The following RILPL1 variants were observed in gnomAD, a reference collection of about 807,000 sequenced individuals.
RILPL1 encodes the protein RILP-like protein 1.
Under a neutral mutation model 50.3 loss-of-function variants are expected in RILPL1, and 33 were observed. The observed-to-expected ratio is 0.66, with a 90% CI of 0.50 to 0.88. RILPL1 has a LOEUF of 0.88. Ranked by LOEUF, RILPL1 falls within the 40% of genes least tolerant of loss-of-function variation. The probability of loss-of-function intolerance (pLI) is 0.00; values close to 1 mark genes in which losing one functional copy is unlikely to be tolerated. For synonymous variants in RILPL1, 205 were observed against 228.6 expected, an observed-to-expected ratio of 0.90 and a Z score of 0.93; for missense variants, 418 against 542.5, an observed-to-expected ratio of 0.77 and a Z score of 2.28.
intron 4 of RILPL1, among the ~76,000 whole-genome samples, chr12:123,492,419 G>T (rs1213899947): frequency 6.6e-6 from 1 of 152,128 alleles, no homozygotes; most frequent in Non-Finnish European, 1.5e-5. Context: ...GGTGGCCAGG[G>T]GCTGGGGAAG....
At chr12:123,477,822 C>T (rs896356244) in intron 6 of RILPL1, among the ~76,000 whole-genome samples, 2 of 151,986 alleles carry the variant, frequency 1.3e-5, no homozygotes, top group African/African-American at 4.8e-5. Context: ...CACAAAGATA[C>T]AGTCATTGTG....
At chr12:123,481,283 C>T (rs1163061466) in intron 6 of RILPL1, among the ~76,000 whole-genome samples, 1 of 151,166 alleles carries the variant, frequency 6.6e-6, no homozygotes. Context: ...TGCTTGAACC[C>T]GGGAGGTGGA....
chr12:123,508,040 C>T (rs1395520568), intron 2 of RILPL1, among the ~76,000 whole-genome samples: 1 of 150,432 alleles, frequency 6.6e-6, no homozygotes, highest in Non-Finnish European at 1.5e-5. Context: ...TTTGGGATGA[C>T]AAAAACTTCC....
intron 1 of RILPL1, among the ~76,000 whole-genome samples, chr12:123,527,951 C>G (rs936595515): frequency 6.6e-6 from 1 of 152,260 alleles, no homozygotes; most frequent in East Asian, 1.9e-4. Flanking sequence ...CAGTGAGAGC[C>G]ATTTCCGACT....
intron 4 of RILPL1, among the ~76,000 whole-genome samples, chr12:123,493,958 A>G (rs1882860702): frequency 6.6e-6 from 1 of 151,538 alleles, no homozygotes; most frequent in South Asian, 2.1e-4. Flanking sequence ...CTTTTTTTGT[A>G]TATTTAGTAG....
intron 2 of RILPL1, among the ~76,000 whole-genome samples, chr12:123,505,252 G>A (rs533120784): frequency 1.3e-5 from 2 of 152,180 alleles, no homozygotes; most frequent in East Asian, 3.9e-4. Context: ...GGCTGGTCTC[G>A]AACTCCTAAC....
At chr12:123,486,666 G>T (rs1205632586) in intron 4 of RILPL1, among the ~76,000 whole-genome samples, 1 of 152,148 alleles carries the variant, frequency 6.6e-6, no homozygotes, top group Non-Finnish European at 1.5e-5. Flanking sequence ...TTCTGAGATG[G>T]AGTTTCACTG....
chr12:123,478,264 G>C (rs1881733856), intron 6 of RILPL1, among the ~76,000 whole-genome samples: 1 of 151,930 alleles, frequency 6.6e-6, no homozygotes, highest in Admixed American at 6.6e-5. Flanking sequence ...GCCTCCCAAA[G>C]TGTTGGGATT....
intron 4 of RILPL1, among the ~76,000 whole-genome samples, chr12:123,488,272 C>A (rs1408995793): frequency 6.6e-6 from 1 of 151,574 alleles, no homozygotes; most frequent in East Asian, 1.9e-4. Context: ...GACCTCATGT[C>A]TACAAAAAAG....
intron 3 of RILPL1, 65 bp downstream of exon 3, chr12:123,499,353 G>T: frequency 9.2e-7 from 1 of 1,088,844 alleles, no homozygotes. Flanking sequence ...TGAGTGGAGG[G>T]TCTGGTCTCT....
chr12:123,487,405 C>T (rs1014771838), intron 4 of RILPL1, among the ~76,000 whole-genome samples: 1 of 152,092 alleles, frequency 6.6e-6, no homozygotes, highest in Non-Finnish European at 1.5e-5. Flanking sequence ...TGGGTTCAAG[C>T]GATTCTTCCG....
Position 123,522,158 on chromosome 12 carries a change from A to AT in RILPL1, c.460+1336dup, listed in dbSNP as rs1444761405. On this transcript the variant is annotated intron_variant, in intron 2 of 6. Transcript: ENST00000376874. This position sits in a 1 kb window ranked among gnomAD's most constrained non-coding sequence, Gnocchi z 4.0. ...CAGGTCCGTCCCCGTTCCATCAAACATGAGGAAGAGGCTCATGTGGGGAGC... is the reference window on the plus strand; with the variant it reads ...CAGGTCCGTCCCCGTTCCATCAAACATTGAGGAAGAGGCTCATGTGGGGAGC... Among the ~76,000 whole-genome samples, 1 of 152,188 alleles carries AT rather than the reference A, an allele frequency of 6.6e-6. No homozygotes were observed. Among genetic ancestry groups the AT allele is most frequent in the African/African-American group, 2.4e-5 (1 of 41,440 alleles).
intron 2 of RILPL1, among the ~76,000 whole-genome samples, chr12:123,512,225 T>C (rs1593586823): frequency 9.6e-6 from 1 of 104,542 alleles, no homozygotes; most frequent in African/African-American, 3.8e-5. Flanking sequence ...CTGTGTGTGG[T>C]GTGTGTGTGG....
intron 2 of RILPL1, chr12:123,515,385 C>T (rs913493734): frequency 1.3e-5 from 2 of 151,208 alleles, no homozygotes; most frequent in Non-Finnish European, 2.9e-5. Flanking sequence ...GGGAGTGTCA[C>T]GTTTTGTGCT....
rs893685199 is a variant in RILPL1, at chr12:123,485,615, A to G, written c.974+18T>C. The G allele has an allele frequency of 1.2e-6, 2 of 1,611,618 alleles. No individual in the cohort carries two copies. The highest frequency in any genetic ancestry group is 1.7e-6 in the Non-Finnish European group (2 of 1,178,812). The stretch of plus-strand genomic sequence containing the variant: ...AGTAAGGAGCCAGCTCGGGCCATCC[A>G]GCCCCAGGGACACTTGCCTCTTATA... On this transcript the variant is annotated intron_variant, in intron 5 of 6. Transcript: ENST00000376874. The surrounding 1 kb of genome is among the most constrained non-coding windows in gnomAD (Gnocchi z 4.0).
At chr12:123,481,555 TTTTC>T (rs1882002373) in intron 6 of RILPL1, among the ~76,000 whole-genome samples, 1 of 147,486 alleles carries the variant, frequency 6.8e-6, no homozygotes, top group Non-Finnish European at 1.5e-5. Flanking sequence ...GCCAAATTTG[TTTTC>T]TTTTTTTTTT....
intron 1 of RILPL1, among the ~76,000 whole-genome samples, chr12:123,525,330 A>G (rs57883611): frequency 1.3e-5 from 2 of 148,874 alleles, no homozygotes; most frequent in East Asian, 4.0e-4. Context: ...TGATCCTCCC[A>G]CCTCAGCCTC....
intron 2 of RILPL1, among the ~76,000 whole-genome samples, chr12:123,520,474 A>G (rs1884959520): frequency 6.6e-6 from 1 of 152,182 alleles, no homozygotes; most frequent in African/African-American, 2.4e-5. Flanking sequence ...CAGGAGGATC[A>G]CTTGAACCTG....
At chr12:123,499,796 G>A (rs1477293360) in intron 2 of RILPL1, among the ~76,000 whole-genome samples, 6 of 151,778 alleles carry the variant, frequency 4.0e-5, no homozygotes, top group African/African-American at 1.2e-4. Flanking sequence ...TGTGGCTGGC[G>A]CGCTTCATTT....
Sources: gnomAD v4.1 joint callset for allele counts (sites outside exome capture counted in the v4.1 genomes callset) on GRCh38, gnomAD v4.1.1 for gene constraint, Gnocchi (gnomAD v3.1) non-coding constraint, MANE v1.5 for transcripts, NCBI Gene and HGNC (gene_info 2026-07-23, HGNC 2026-07-21) for gene names.